The following AMPH variants were observed in gnomAD, a reference collection of about 807,000 sequenced individuals.
AMPH encodes amphiphysin (Stiff-Mann syndrome with breast cancer 128kD autoantigen).
A neutral mutation model predicts 99.1 loss-of-function variants in AMPH; 49 were observed. That is an observed-to-expected ratio of 0.49 (90% confidence interval 0.39 to 0.63). AMPH has a LOEUF of 0.63. AMPH is among the 20% of genes least tolerant of loss of function. AMPH has a pLI of 0.00. For synonymous variants in AMPH, 314 were observed against 317.3 expected (o/e 0.99, Z 0.11); for missense variants, 759 against 863.4 (o/e 0.88, Z 1.52).
intron 17 of AMPH, among the ~76,000 whole-genome samples, chr7:38,405,616 A>T (rs904671667): frequency 6.6e-5 from 10 of 152,186 alleles, no homozygotes; most frequent in Non-Finnish European, 1.5e-4. Context: ...ATTATATCAT[A>T]ACAAGAGTTC....
intron 17 of AMPH, among the ~76,000 whole-genome samples, chr7:38,404,049 G>A (rs562652090): frequency 6.6e-6 from 1 of 152,252 alleles, no homozygotes; most frequent in Non-Finnish European, 1.5e-5. Flanking sequence ...TGTGCCCCAA[G>A]GCCATTTTGC....
chr7:38,631,102 C>T (rs988035992), intron 1 of AMPH, among the ~76,000 whole-genome samples, 181 bp downstream of exon 1: 7 of 151,894 alleles, frequency 4.6e-5, no homozygotes, highest in Non-Finnish European at 7.4e-5. Flanking sequence ...CCGCGGCGCC[C>T]GGGTCGCGCC....
At chr7:38,499,686 A>G (rs1185161154) in intron 3 of AMPH, among the ~76,000 whole-genome samples, 4 of 152,202 alleles carry the variant, frequency 2.6e-5, no homozygotes, top group African/African-American at 9.7e-5. Context: ...AAAGCCTTTG[A>G]AAATGTAAAT....
chr7:38,621,481 G>A (rs1181650922), intron 1 of AMPH, among the ~76,000 whole-genome samples: 2 of 152,096 alleles, frequency 1.3e-5, no homozygotes, highest in Non-Finnish European at 2.9e-5. Flanking sequence ...CAATAGAATA[G>A]ATAACTAATA....
intron 2 of AMPH, 78 bp from the exon 3 acceptor site, chr7:38,503,782 A>C: frequency 7.0e-7 from 1 of 1,422,870 alleles, no homozygotes; most frequent in Non-Finnish European, 9.9e-7. Flanking sequence ...TAAGTCTCAA[A>C]GTTACTATTG....
At chr7:38,499,135 C>T (rs905300498) in intron 3 of AMPH, among the ~76,000 whole-genome samples, 5 of 152,174 alleles carry the variant, frequency 3.3e-5, no homozygotes, top group African/African-American at 1.2e-4. Context: ...TATGATGGCA[C>T]TCAATGCACG....
At chr7:38,518,449 G>A (rs1421255997) in intron 2 of AMPH, among the ~76,000 whole-genome samples, 1 of 152,202 alleles carries the variant, frequency 6.6e-6, no homozygotes, top group East Asian at 1.9e-4. Context: ...TGAGGCCATG[G>A]GGGCCCAACC....
intron 1 of AMPH, among the ~76,000 whole-genome samples, chr7:38,555,569 G>A (rs1459210652): frequency 6.6e-6 from 1 of 152,046 alleles, no homozygotes; most frequent in Non-Finnish European, 1.5e-5. Flanking sequence ...CCATGTGTTA[G>A]GTTCTAAGGA....
At chr7:38,435,853 T>C (rs1396447723) in intron 12 of AMPH, among the ~76,000 whole-genome samples, 1 of 152,160 alleles carries the variant, frequency 6.6e-6, no homozygotes, top group Non-Finnish European at 1.5e-5. Context: ...CGTGCTTTCA[T>C]GGTCATTGCA....
intron 11 of AMPH, among the ~76,000 whole-genome samples, chr7:38,440,210 G>C (rs1328121205): frequency 6.6e-6 from 1 of 152,136 alleles, no homozygotes; most frequent in Non-Finnish European, 1.5e-5. Context: ...ACTAACAGAG[G>C]AACAACATGA....
intron 2 of AMPH, among the ~76,000 whole-genome samples, chr7:38,524,872 T>C (rs1469827033): frequency 6.6e-6 from 1 of 152,062 alleles, no homozygotes; most frequent in Non-Finnish European, 1.5e-5. Context: ...GACAGCTGCT[T>C]CTTTAGGTCC....
chr7:38,533,083 T>A (rs1051183236), intron 2 of AMPH, among the ~76,000 whole-genome samples: 1 of 152,238 alleles, frequency 6.6e-6, no homozygotes, highest in Non-Finnish European at 1.5e-5. Flanking sequence ...AGTTTGTGTA[T>A]GGGAAGTTCC....
intron 1 of AMPH, among the ~76,000 whole-genome samples, chr7:38,616,133 G>A (rs1327738823): frequency 4.6e-5 from 7 of 152,126 alleles, no homozygotes; most frequent in Non-Finnish European, 2.9e-5. Flanking sequence ...GACACCATGT[G>A]TACATCTCCT....
intron 15 of AMPH, 114 bp from the exon 16 acceptor site, chr7:38,422,591 TA>T: frequency 1.3e-6 from 1 of 742,042 alleles, no homozygotes; most frequent in Non-Finnish European, 2.2e-6. Flanking sequence ...TCTATCTATC[TA>T]TCTATCTATC....
chr7:38,464,475 C>T lies in AMPH; in HGVS notation c.749+992G>A, dbSNP rs141592725. Among the ~76,000 whole-genome samples, 31 of 152,148 alleles carry T rather than the reference C, an allele frequency of 2.0e-4. No individual in the cohort carries two copies. In the East Asian group the frequency reaches 5.6e-3, roughly 28 times the overall value. On this transcript the variant is annotated intron_variant, in intron 9 of 20. Transcript: ENST00000356264. Reference sequence around the variant, plus strand: ...CTATAAGTAGGGCTAATCCAAAGAGCAGGGAATAAGAAAATTAACAATCTC... The same window carrying T: ...CTATAAGTAGGGCTAATCCAAAGAGTAGGGAATAAGAAAATTAACAATCTC...
intron 1 of AMPH, among the ~76,000 whole-genome samples, chr7:38,551,897 CTTCCTTTTAAATTCCTAAA>C (rs769531194): frequency 5.3e-5 from 8 of 152,226 alleles, no homozygotes; most frequent in Admixed American, 6.5e-5. Flanking sequence ...CTGAAATGCA[CTTCCTTTTAAATTCCTAAA>C]TTCCTTTGTA....
chr7:38,455,443 C>T (rs1562767008), intron 11 of AMPH, among the ~76,000 whole-genome samples: 3 of 152,162 alleles, frequency 2.0e-5, no homozygotes, highest in South Asian at 2.1e-4. Context: ...TTCCACAGAG[C>T]GGAAGCAAAA....
At position 38,383,723 on chromosome 7, in the gene AMPH, T is replaced by C. The variant is rs893211727; in HGVS notation, c.*1095A>G. ...AAGGAATTAGGGTAATCGTTGAAGA[T>C]TACCAAAGGTTTATTTGGAATGACA... On this transcript the variant is annotated 3_prime_UTR_variant, in exon 21 of 21. Transcript: ENST00000356264. 4 of 149,830 alleles carry C rather than the reference T, an allele frequency of 2.7e-5. No individual in the cohort carries two copies. Among genetic ancestry groups the C allele is most frequent in the Non-Finnish European group, 5.9e-5 (4 of 67,660 alleles). The allele number at this position is 149,830 out of a possible 1,614,324, so 9.3% of individuals were successfully genotyped here.
chr7:38,556,616 C>T (rs986272334), intron 1 of AMPH, among the ~76,000 whole-genome samples: 4 of 152,206 alleles, frequency 2.6e-5, no homozygotes, highest in Admixed American at 1.3e-4. Context: ...AAGGAGAAAG[C>T]ACATCATTCA....
Sources: allele counts gnomAD v4.1 joint callset (sites outside exome capture counted in the v4.1 genomes callset), GRCh38; gene constraint gnomAD v4.1.1; transcripts MANE v1.5; gene names NCBI Gene and HGNC (gene_info 2026-07-23, HGNC 2026-07-21).